SLC12A4: variants seen among roughly 807,000 people sequenced by gnomAD.
The protein encoded by SLC12A4 is solute carrier family 12 member 4, also known as electroneutral potassium-chloride cotransporter 1.
SLC12A4 carries 84 observed loss-of-function variants against 119.2 expected under a neutral mutation model. That is an observed-to-expected ratio of 0.70 (90% CI 0.59 to 0.85). The LOEUF is 0.85. Ranked by LOEUF, SLC12A4 falls within the 40% of genes least tolerant of loss-of-function variation. SLC12A4 has a pLI of 0.00. For synonymous variants in SLC12A4, 599 were observed against 604.6 expected, an observed-to-expected ratio of 0.99 and a Z score of 0.14; for missense variants, 1,298 against 1,476.3, an observed-to-expected ratio of 0.88 and a Z score of 1.98.
At chr16:67,955,098 G>A (rs967858871) in intron 5 of SLC12A4, among the ~76,000 whole-genome samples, 6 of 152,222 alleles carry the variant, frequency 3.9e-5, no homozygotes, top group Non-Finnish European at 7.3e-5. Context: ...CTCTGGCTGG[G>A]TGTGTCCTAT....
At chr16:67,966,657 C>A in intron 1 of SLC12A4, 1 of 1,483,004 alleles carries the variant, frequency 6.7e-7, no homozygotes. Flanking sequence ...GGTGTGGGCA[C>A]TGAACTGGGG....
chr16:67,956,767 A>G (rs2030283043), intron 5 of SLC12A4, among the ~76,000 whole-genome samples: 1 of 152,024 alleles, frequency 6.6e-6, no homozygotes, highest in African/African-American at 2.4e-5. Context: ...GTAAACATAT[A>G]CACATAAATG....
chr16:67,960,513 C>T (rs1387072739), intron 3 of SLC12A4, among the ~76,000 whole-genome samples: 1 of 151,764 alleles, frequency 6.6e-6, no homozygotes, highest in Non-Finnish European at 1.5e-5. Flanking sequence ...TGGCCCCACC[C>T]CAGAAAGGCC....
intron 3 of SLC12A4, among the ~76,000 whole-genome samples, chr16:67,959,229 G>A (rs576470655): frequency 1.3e-5 from 2 of 152,228 alleles, no homozygotes; most frequent in African/African-American, 2.4e-5. Flanking sequence ...AGAGCACAGA[G>A]GCTGGCTGAC....
chr16:67,954,794 T>G, intron 5 of SLC12A4, 21 bp from the exon 6 acceptor site: 1 of 1,614,050 alleles, frequency 6.2e-7, no homozygotes, highest in Non-Finnish European at 8.5e-7. Flanking sequence ...GAAATGAAAG[T>G]GTGCACAGGT....
chr16:67,947,052 G>A lies in SLC12A4; in HGVS notation c.2126C>T (p.Pro709Leu), dbSNP rs770492489. 14 of 1,611,886 alleles carry A rather than the reference G, an allele frequency of 8.7e-6. No individual in the cohort carries two copies. The highest frequency in any genetic ancestry group is 6.6e-5 in the South Asian group (6 of 90,978). ...KLDEDLHVKY[P>L]RLLTFASQLK... is the part of the protein sequence containing the mutation. Reference sequence around the variant, plus strand: ...CTGGGAGGCGAAGGTGAGGAGCCGCGGGTACTTCACGTGGAGGTCCTCGTC... The same window carrying A: ...CTGGGAGGCGAAGGTGAGGAGCCGCAGGTACTTCACGTGGAGGTCCTCGTC... Residue 709 changes from proline to leucine, a missense_variant, in exon 17 of 24, where the codon CCG becomes CTG. Coordinates refer to ENST00000316341, the MANE Select transcript of SLC12A4 (RefSeq NM_005072.5).
chr16:67,952,506 G>C, intron 6 of SLC12A4, 81 bp from the exon 7 acceptor site: 9 of 1,526,198 alleles, frequency 5.9e-6, no homozygotes, highest in Non-Finnish European at 8.1e-6. Context: ...CTTTTTACGA[G>C]TACCTAAAAG....
In SLC12A4 at chr16:67,946,214, C is replaced by CCATCGTGCA; in HGVS notation, c.2555_2563dup (p.Val852_Asp854dup). On this transcript the variant is annotated inframe_insertion, in exon 19 of 24. Coordinates refer to ENST00000316341, the MANE Select transcript of SLC12A4 (RefSeq NM_005072.5). Reference sequence around the variant, plus strand: ...GAAGGGCAGAAGCATGAGCATGCCACCATCGTGCACGATCCACCACACGTC... The same window carrying CCATCGTGCA: ...GAAGGGCAGAAGCATGAGCATGCCACCATCGTGCACATCGTGCACGATCCACCACACGTC... 6.2e-7 allele frequency: 1 copy of CCATCGTGCA among 1,613,944 alleles called. No homozygotes were observed. Among genetic ancestry groups the CCATCGTGCA allele is most frequent in the Non-Finnish European group, 8.5e-7 (1 of 1,180,030 alleles).
chr16:67,954,572 A>G (rs568650746), intron 6 of SLC12A4, 71 bp downstream of exon 6: 612 of 1,585,566 alleles, frequency 3.9e-4, no homozygotes, highest in Non-Finnish European at 5.0e-4. Flanking sequence ...GAACAGCCTG[A>G]GCCTTCTGTT....
In SLC12A4 at chr16:67,954,683, G is replaced by GC; in HGVS notation, c.634dup (p.Ala212GlyfsTer31). On this transcript the variant is annotated frameshift_variant, in exon 6 of 24. Transcript: ENST00000316341. LOFTEE classifies it high-confidence loss of function. ...GGCCCCCAGGATGTACATGGCTGCT[G>GC]CGAATGTTGTTCCCAGGTAGAAGCA... 2 of 1,614,194 alleles carry GC rather than the reference G, an allele frequency of 1.2e-6. No individual in the cohort carries two copies. Among genetic ancestry groups the GC allele is most frequent in the Non-Finnish European group, 1.7e-6 (2 of 1,180,030 alleles).
intron 3 of SLC12A4, 60 bp from the exon 4 acceptor site, chr16:67,958,104 C>A: frequency 6.4e-7 from 1 of 1,563,380 alleles, no homozygotes; most frequent in South Asian, 1.2e-5. Flanking sequence ...CATGGAGAGT[C>A]AGCCCTAGTC....
Position 67,966,915 on chromosome 16 carries a change from A to AGGGGCCAAGGCGTGGCCAAGGT in SLC12A4, c.115+1502_115+1523dup, listed in dbSNP as rs1367457757. On this transcript the variant is annotated intron_variant, in intron 1 of 23. Coordinates refer to ENST00000316341, the MANE Select transcript of SLC12A4 (RefSeq NM_005072.5). Reference sequence around the variant, plus strand: ...CTCCAGGTCCCTCCAGTCACCCTGTAGGGGCCAAGGCGTGGCCAAGGTGGG... The same window carrying AGGGGCCAAGGCGTGGCCAAGGT: ...CTCCAGGTCCCTCCAGTCACCCTGTAGGGGCCAAGGCGTGGCCAAGGTGGGGCCAAGGCGTGGCCAAGGTGGG... The AGGGGCCAAGGCGTGGCCAAGGT allele has an allele frequency of 2.1e-5, 30 of 1,462,924 alleles. No homozygotes were observed. In the African/African-American group the frequency reaches 3.3e-4, roughly 16 times the overall value. The allele number at this position is 1,462,924 out of a possible 1,614,324, so 90.6% of individuals were successfully genotyped here.
rs1378561664 is a variant in SLC12A4, at chr16:67,946,302, G to A, written c.2476C>T (p.Leu826Phe). 1.2e-6 allele frequency: 2 copies of A among 1,612,262 alleles called. No individual in the cohort carries two copies. The highest frequency in any genetic ancestry group is 1.7e-5 in the Admixed American group (1 of 60,004). ...TAGAAGGCGATGTTCTTGGGCACGA[G>A]CAGGGCCAGGTGGGCAGCCGTAGTG... ...RCTTAAHLAL[L>F]VPKNIAFYPS... Residue 826 changes from leucine to phenylalanine, a missense_variant, in exon 19 of 24, where the codon CTC becomes TTC. By Grantham distance (22) the Leu-to-Phe change is conservative (BLOSUM62 0). Coordinates refer to ENST00000316341, the MANE Select transcript of SLC12A4 (RefSeq NM_005072.5).
chr16:67,947,783 A>C lies in SLC12A4; in HGVS notation c.1853T>G (p.Leu618Arg). ...GCAGAGACTCATGCCCAGGAAGGAC[A>C]GCGCCCTGGACGAGAGGGGAGGGCA... ...RPRFKYYHWA[L>R]SFLGMSLCLA... The change falls in exon 15 of 24, where the codon CTG (leucine) becomes CGG (arginine). Residue 618 changes from leucine to arginine, a missense_variant. By Grantham distance (102) the Leu-to-Arg change is moderately radical (BLOSUM62 -2). Coordinates refer to ENST00000316341, the MANE Select transcript of SLC12A4 (RefSeq NM_005072.5). 6.3e-7 allele frequency: 1 copy of C among 1,591,618 alleles called. No individual in the cohort carries two copies. Among genetic ancestry groups the C allele is most frequent in the African/African-American group, 1.3e-5 (1 of 74,472 alleles).
chr16:67,963,424 C>G (rs1323154623), intron 2 of SLC12A4, 41 bp downstream of exon 2: 3 of 1,415,938 alleles, frequency 2.1e-6, no homozygotes, highest in Non-Finnish European at 2.9e-6. Context: ...GCTAAAGCCT[C>G]TGTGTGCCAA....
At chr16:67,953,518 C>A (rs889484067) in intron 6 of SLC12A4, among the ~76,000 whole-genome samples, 1 of 152,318 alleles carries the variant, frequency 6.6e-6, no homozygotes, top group African/African-American at 2.4e-5. Flanking sequence ...AAAGCAGATT[C>A]CTGGTTGCCA....
In SLC12A4 at chr16:67,961,570, C is replaced by T. The variant is rs1156351467; in HGVS notation, c.342+5G>A. ...GTGGCCCCTCTGCCGCCCCAACCAG[C>T]TCACCTCGGCTGCCCTCCGGCGGGT... On this transcript the variant is annotated splice_donor_5th_base_variant and intron_variant, in intron 3 of 23. Coordinates refer to ENST00000316341, the MANE Select transcript of SLC12A4 (RefSeq NM_005072.5). The T allele has an allele frequency of 1.2e-6, 2 of 1,612,352 alleles. No individual in the cohort carries two copies. The highest frequency in any genetic ancestry group is 2.7e-5 in the African/African-American group (2 of 74,952).
At position 67,949,973 on chromosome 16, in the gene SLC12A4, C is replaced by A; in HGVS notation, c.1630-55G>T. The A allele has an allele frequency of 6.5e-6, 9 of 1,382,802 alleles. No individual in the cohort carries two copies. Among genetic ancestry groups the A allele is most frequent in the Non-Finnish European group, 9.2e-6 (9 of 975,698 alleles). 85.7% of individuals were successfully genotyped at this position (1,382,802 alleles called of 1,614,324 possible). A position where few individuals can be genotyped will look rare whatever the true frequency, so the allele number is the denominator to read the frequency against. On this transcript the variant is annotated intron_variant, in intron 12 of 23. Coordinates refer to ENST00000316341, the MANE Select transcript of SLC12A4 (RefSeq NM_005072.5). This position sits in a 1 kb window ranked among gnomAD's most constrained non-coding sequence, Gnocchi z 4.6. ...TGTCACCCCCATTCCACACCTTGGG[C>A]CCCAGACCCCAGCCTGGCCTCCCTC...
rs201392236 is a variant in SLC12A4 at position 67,957,902 on chromosome 16, C to T, written c.485G>A (p.Cys162Tyr). ...CTCCCACGCCAGGACACTCACACAA[C>T]AGCAGCAGATAAGCACGATGAGGAG... Reference protein sequence around the residue: ...QALLIVLICCCCTLLTAISMS... With the variant: ...QALLIVLICCYCTLLTAISMS... The change falls in exon 4 of 24, where the codon TGT (cysteine) becomes TAT (tyrosine). Residue 162 changes from cysteine (C) to tyrosine (Y), a missense_variant. Physicochemically the swap from Cys to Tyr is radical, Grantham distance 194. Transcript: ENST00000316341. 315 of 1,613,614 alleles carry T rather than the reference C, an allele frequency of 2.0e-4. 1 individual carries two copies. The East Asian group carries it at 4.8e-3, about 25-fold the overall frequency.
Sources: allele counts gnomAD v4.1 joint callset (sites outside exome capture counted in the v4.1 genomes callset), GRCh38; gene constraint gnomAD v4.1.1; non-coding constraint Gnocchi (gnomAD v3.1); transcripts MANE v1.5; gene names NCBI Gene and HGNC (gene_info 2026-07-23, HGNC 2026-07-21).